The following PANX2 variants were observed in gnomAD, a reference collection of about 807,000 sequenced individuals.
PANX2 encodes pannexin-2.
In PANX2, 30 loss-of-function variants were observed where a neutral mutation model predicts 38.7. That is an observed-to-expected ratio of 0.78 (90% CI 0.58 to 1.05). The LOEUF is 1.05. PANX2 is among the 50% of genes least tolerant of loss of function. The pLI, the probability that PANX2 is intolerant of heterozygous loss-of-function variation, is 0.00. For synonymous variants in PANX2, 539 were observed against 472.1 expected (o/e 1.14, Z -1.84); for missense variants, 880 against 979.3 (o/e 0.90, Z 1.35).
At position 50,177,081 on chromosome 22, in the gene PANX2, C is replaced by CT. The variant is rs753273558; in HGVS notation, c.369_370insT (p.Leu124SerfsTer383). On this transcript the variant is annotated frameshift_variant, in exon 2 of 3. Transcript: ENST00000395842. LOFTEE classifies it high-confidence loss of function. ...GGCCGTCGCTGTTTGAGCACAAGTT[C>CT]CTGCCCTACGCGCTGCTGGCCTTCG... 1 of 1,611,056 alleles carries CT rather than the reference C, an allele frequency of 6.2e-7. No homozygotes were observed. Among genetic ancestry groups the CT allele is most frequent in the South Asian group, 1.1e-5 (1 of 90,740 alleles).
At position 50,178,997 on chromosome 22, in the gene PANX2, C is replaced by CG. The variant is rs1602403619; in HGVS notation, c.1760dup (p.Phe589ValfsTer175). The CG allele has an allele frequency of 1.9e-6, 3 of 1,609,196 alleles. No individual in the cohort carries two copies. The highest frequency in any genetic ancestry group is 1.7e-4 in the Middle Eastern group (1 of 6,048). ...GAGCCAGCCCGGGCAGGGCTTCCCT[C>CG]GGGGGGCCCGTTCCACGTCCGCTCA... On this transcript the variant is annotated frameshift_variant, in exon 3 of 3. Coordinates refer to ENST00000395842, the MANE Select transcript of PANX2 (RefSeq NM_052839.4). LOFTEE classifies it high-confidence loss of function.
chr22:50,175,387 C>T (rs1327567748), intron 1 of PANX2: 1 of 1,127,068 alleles, frequency 8.9e-7, no homozygotes, highest in South Asian at 1.4e-5. Flanking sequence ...AGGGATGGGC[C>T]CAGCTCAGGA....
At chr22:50,175,916 C>T (rs992068527) in intron 1 of PANX2, among the ~76,000 whole-genome samples, 2 of 152,248 alleles carry the variant, frequency 1.3e-5, no homozygotes, top group Non-Finnish European at 2.9e-5. Flanking sequence ...CAGGCCTCGG[C>T]ACAGACGGAC....
chr22:50,176,732 C>T (rs953402700), intron 1 of PANX2, among the ~76,000 whole-genome samples: 1 of 152,118 alleles, frequency 6.6e-6, no homozygotes, highest in Admixed American at 6.5e-5. Context: ...CAGCTGACCT[C>T]GTGGGGGTAG....
At chr22:50,178,520 G>A in intron 2 of PANX2, 118 bp downstream of exon 2, 1 of 656,400 alleles carries the variant, frequency 1.5e-6, no homozygotes, top group Middle Eastern at 4.3e-4. Context: ...CCTGGCTTGA[G>A]GCCCCCTCAA....
At chr22:50,173,366 C>T (rs1401733181) in intron 1 of PANX2, among the ~76,000 whole-genome samples, 2 of 152,258 alleles carry the variant, frequency 1.3e-5, no homozygotes, top group Non-Finnish European at 1.5e-5. Flanking sequence ...AGGAAGCGAG[C>T]GCTCTGCCCC....
Position 50,179,748 on chromosome 22 carries a change from G to C in PANX2, c.*471G>C, listed in dbSNP as rs1412423698. The C allele has an allele frequency of 3.6e-5, 6 of 168,414 alleles. No individual in the cohort carries two copies. Among genetic ancestry groups the C allele is most frequent in the Admixed American group, 5.7e-5 (1 of 17,592 alleles). 10.4% of individuals were successfully genotyped at this position (168,414 alleles called of 1,614,324 possible). A position where few individuals can be genotyped will look rare whatever the true frequency, so the allele number is the denominator to read the frequency against. ...ACGCCCATGGGGTCACATGCTCAGG[G>C]GTCACCCCCTGCAGGGACCTGATGC... is the stretch of plus-strand genomic sequence containing the variant. On this transcript the variant is annotated 3_prime_UTR_variant, in exon 3 of 3. Coordinates refer to ENST00000395842, the MANE Select transcript of PANX2 (RefSeq NM_052839.4).
At chr22:50,172,931 C>T (rs1326037992) in intron 1 of PANX2, among the ~76,000 whole-genome samples, 1 of 139,590 alleles carries the variant, frequency 7.2e-6, no homozygotes, top group African/African-American at 2.7e-5. Context: ...GAGTCTCGCT[C>T]TGTCACCCAG....
In PANX2 at chr22:50,179,623, C is replaced by G. The variant is rs929713465; in HGVS notation, c.*346C>G. 1 of 258,374 alleles carries G rather than the reference C, an allele frequency of 3.9e-6. No individual in the cohort carries two copies. Among genetic ancestry groups the G allele is most frequent in the South Asian group, 4.5e-5 (1 of 22,094 alleles). 16.0% of individuals were successfully genotyped at this position (258,374 alleles called of 1,614,324 possible). ...ATTTTTTTAGTCCGTTTCGTCCTGG[C>G]CCCGGGCTGTGGCGAGACAGCCCAA... On this transcript the variant is annotated 3_prime_UTR_variant, in exon 3 of 3. Coordinates refer to ENST00000395842, the MANE Select transcript of PANX2 (RefSeq NM_052839.4).
In PANX2 at chr22:50,177,763, T is replaced by C; in HGVS notation, c.1051T>C (p.Cys351Arg). 1 of 1,608,320 alleles carries C rather than the reference T, an allele frequency of 6.2e-7. No individual in the cohort carries two copies. The highest frequency in any genetic ancestry group is 8.5e-7 in the Non-Finnish European group (1 of 1,179,774). The change falls in exon 2 of 3, where the codon TGC (cysteine) becomes CGC (arginine). Residue 351 changes from cysteine (C) to arginine (R), a missense_variant. Around this residue, in one of 4 missense-constraint regions of PANX2, gnomAD observed 78 missense variants for 133.1 expected, o/e 0.59. Coordinates refer to ENST00000395842, the MANE Select transcript of PANX2 (RefSeq NM_052839.4). Reference sequence around the variant, plus strand: ...CGACATCAACATCCTGGCCATGTTCTGCAACGAGAACCGCGACCACATCAA... The same window carrying C: ...CGACATCAACATCCTGGCCATGTTCCGCAACGAGAACCGCGACCACATCAA... The part of the protein sequence containing the change: ...FCDINILAMF[C>R]NENRDHIKSL...
At chr22:50,172,456 G>C (rs193083783) in intron 1 of PANX2, among the ~76,000 whole-genome samples, 1 of 152,118 alleles carries the variant, frequency 6.6e-6, no homozygotes, top group East Asian at 1.9e-4. Flanking sequence ...TTTTGAGACA[G>C]AGTCTTGGTA....
At chr22:50,176,870 C>G in intron 1 of PANX2, 69 bp from the exon 2 acceptor site, 1 of 1,434,752 alleles carries the variant, frequency 7.0e-7, no homozygotes, top group Non-Finnish European at 9.1e-7. Context: ...GCGGTCAGGT[C>G]CAGCCCGGTT....
Position 50,177,576 on chromosome 22 carries a change from C to G in PANX2, c.864C>G (p.Arg288=), listed in dbSNP as rs35195493. 1,267 of 1,612,698 alleles carry G rather than the reference C, an allele frequency of 7.9e-4. 13 individuals are homozygous for G. In the African/African-American group the frequency reaches 0.015, roughly 20 times the overall value. ...SCKLPSVQLQ[R]IIAGVDIVLL... is the part of the protein sequence containing the mutation. ...AGCTCCCGTCCGTGCAACTGCAGCG[C>G]ATCATCGCGGGCGTGGACATCGTGC... The change falls in exon 2 of 3, where the codon CGC becomes CGG. Residue 288 remains arginine, a synonymous_variant. Coordinates refer to ENST00000395842, the MANE Select transcript of PANX2 (RefSeq NM_052839.4).
intron 1 of PANX2, 97 bp downstream of exon 1, chr22:50,171,053 C>T: frequency 5.8e-6 from 3 of 518,562 alleles, no homozygotes; most frequent in South Asian, 5.2e-5. Context: ...CTCCGTCCAG[C>T]CGCGCCCACC....
chr22:50,175,493 T>C (rs1311687726), intron 1 of PANX2: 3 of 1,274,446 alleles, frequency 2.4e-6, no homozygotes, highest in Admixed American at 2.4e-5. Context: ...GTAAATAAAA[T>C]ATGCCATTTT....
At chr22:50,173,900 C>G (rs1475468990) in intron 1 of PANX2, among the ~76,000 whole-genome samples, 1 of 152,176 alleles carries the variant, frequency 6.6e-6, no homozygotes, top group African/African-American at 2.4e-5. Context: ...CCTGCAATTG[C>G]TGCCCACCAA....
At chr22:50,171,483 G>A (rs6010197) in intron 1 of PANX2, among the ~76,000 whole-genome samples, 72,066 of 151,974 alleles carry the variant, frequency 0.47, 17,242 homozygotes, top group East Asian at 0.68. Context: ...GGTGCACTGG[G>A]GGCCTCCGAA....
intron 1 of PANX2, among the ~76,000 whole-genome samples, chr22:50,172,896 T>A (rs1161135195): frequency 8.4e-6 from 1 of 118,610 alleles, no homozygotes; most frequent in Non-Finnish European, 1.6e-5. Context: ...GCCTGGCTCA[T>A]TTTTTTTTTT....
intron 1 of PANX2, among the ~76,000 whole-genome samples, chr22:50,176,567 G>C (rs1270382379): frequency 6.6e-6 from 1 of 152,250 alleles, no homozygotes; most frequent in Non-Finnish European, 1.5e-5. Context: ...GCTGTGTGTG[G>C]ATAGAAGAAG....
Sources: gnomAD v4.1 joint callset for allele counts (sites outside exome capture counted in the v4.1 genomes callset) on GRCh38, gnomAD v4.1.1 for gene constraint, gnomAD v4.1.1 regional missense constraint, MANE v1.5 for transcripts, NCBI Gene and HGNC (gene_info 2026-07-23, HGNC 2026-07-21) for gene names.